DLGAP1: variants seen among roughly 807,000 people sequenced by gnomAD.
The protein encoded by DLGAP1 is disks large-associated protein 1.
In DLGAP1, 11 loss-of-function variants were observed where a neutral mutation model predicts 90.8. The observed-to-expected ratio is 0.12, with a 90% CI of 0.08 to 0.20. The LOEUF is 0.20. Ranked by LOEUF, DLGAP1 falls within the 10% of genes least tolerant of loss-of-function variation. The pLI is 1.00. For synonymous variants in DLGAP1, 558 were observed against 540.7 expected (o/e 1.03, Z -0.44); for missense variants, 1,050 against 1,333.8 (o/e 0.79, Z 3.31).
intron 3 of DLGAP1, among the ~76,000 whole-genome samples, chr18:3,916,407 C>G (rs368286478): frequency 5.3e-5 from 8 of 152,290 alleles, no homozygotes; most frequent in African/African-American, 1.7e-4. Flanking sequence ...CAGATAAGAA[C>G]AGCTTTCAAA....
At chr18:4,423,649 C>T (rs987637705) in intron 1 of DLGAP1, among the ~76,000 whole-genome samples, 13 of 151,916 alleles carry the variant, frequency 8.6e-5, no homozygotes, top group African/African-American at 1.9e-4. Context: ...TATGTCATTA[C>T]CACCTGTCAC....
Position 3,879,291 on chromosome 18 carries a change from A to G in DLGAP1, c.778T>C (p.Ser260Pro). 1 of 1,595,790 alleles carries G rather than the reference A, an allele frequency of 6.3e-7. No individual in the cohort carries two copies. Among genetic ancestry groups the G allele is most frequent in the Non-Finnish European group, 8.5e-7 (1 of 1,170,558 alleles). The change falls in exon 4 of 13, where the codon TCC (serine) becomes CCC (proline). Residue 260 changes from serine to proline, a missense_variant. Coordinates refer to ENST00000315677, the MANE Select transcript of DLGAP1 (RefSeq NM_004746.4). The surrounding 1 kb of genome is among the most constrained non-coding windows in gnomAD (Gnocchi z 6.6). ...ASRSNNDVKC[S>P]TCANLPVSLD... ...CTGACCGGCAGGTTGGCGCAGGTGG[A>G]GCACTTGACGTCGTTGTTGCTCCGG...
At chr18:3,666,772 T>G (rs1243742499) in intron 7 of DLGAP1, among the ~76,000 whole-genome samples, 1 of 152,204 alleles carries the variant, frequency 6.6e-6, no homozygotes, top group African/African-American at 2.4e-5. Context: ...TAAATTTGTT[T>G]TAGAGATAGG....
chr18:4,145,243 C>T (rs912300294), intron 2 of DLGAP1, among the ~76,000 whole-genome samples: 2 of 152,116 alleles, frequency 1.3e-5, no homozygotes, highest in Non-Finnish European at 2.9e-5. Flanking sequence ...CAAATAAACA[C>T]AGTATTCTAC....
intron 7 of DLGAP1, among the ~76,000 whole-genome samples, chr18:3,691,727 C>A (rs527987743): frequency 6.6e-6 from 1 of 152,142 alleles, no homozygotes; most frequent in East Asian, 1.9e-4. Context: ...GCCTGGGCAA[C>A]ATGGTGAAAA....
intron 3 of DLGAP1, among the ~76,000 whole-genome samples, chr18:3,957,929 T>C (rs2073114594): frequency 6.6e-6 from 1 of 151,780 alleles, no homozygotes; most frequent in Non-Finnish European, 1.5e-5. Flanking sequence ...GTTTCACTCT[T>C]GTTGCCCAGG....
At chr18:4,100,876 C>G (rs2075768605) in intron 2 of DLGAP1, among the ~76,000 whole-genome samples, 1 of 152,210 alleles carries the variant, frequency 6.6e-6, no homozygotes, top group Non-Finnish European at 1.5e-5. Context: ...TTTCTCATCT[C>G]TTTCAGCCTT....
intron 4 of DLGAP1, among the ~76,000 whole-genome samples, chr18:3,841,808 T>C (rs149174904): frequency 5.3e-5 from 8 of 152,222 alleles, no homozygotes; most frequent in South Asian, 2.1e-4. Flanking sequence ...TAGCTACTAG[T>C]GCATTCAGAG....
intron 1 of DLGAP1, among the ~76,000 whole-genome samples, chr18:4,179,255 C>T (rs1233831976): frequency 6.6e-6 from 1 of 152,024 alleles, no homozygotes; most frequent in African/African-American, 2.4e-5. Context: ...AAGTGAAAGT[C>T]ACCATTGTTC....
chr18:3,604,168 C>G (rs1205054841), intron 7 of DLGAP1: 1 of 152,416 alleles, frequency 6.6e-6, no homozygotes, highest in African/African-American at 2.4e-5. Context: ...TATGCTTAAC[C>G]CATTCCCAGC....
intron 3 of DLGAP1, among the ~76,000 whole-genome samples, chr18:3,881,826 T>A (rs1333675795): frequency 6.6e-6 from 1 of 152,132 alleles, no homozygotes; most frequent in African/African-American, 2.4e-5. Flanking sequence ...GGCAGGAGAA[T>A]GGCATAAACC....
intron 10 of DLGAP1, among the ~76,000 whole-genome samples, chr18:3,525,893 C>T (rs1167928607): frequency 6.6e-6 from 1 of 152,200 alleles, no homozygotes. Flanking sequence ...TTCGTGCCCT[C>T]CTGAGCTGGG....
chr18:3,499,384 G>T lies in DLGAP1; in HGVS notation c.2735C>A (p.Ala912Asp). The T allele has an allele frequency of 6.5e-7, 1 of 1,549,726 alleles. No homozygotes were observed. Among genetic ancestry groups the T allele is most frequent in the Non-Finnish European group, 8.7e-7 (1 of 1,146,818 alleles). The change falls in exon 13 of 13, where the codon GCC becomes GAC. Residue 912 changes from alanine (A) to aspartate (D), a missense_variant. Physicochemically the swap from Ala to Asp is moderately radical, Grantham distance 126. Around this residue, in one of 2 missense-constraint regions of DLGAP1, gnomAD observed 565 missense variants for 879.7 expected, o/e 0.64. Transcript: ENST00000315677. The surrounding 1 kb of genome is among the most constrained non-coding windows in gnomAD (Gnocchi z 6.4). ...MDPLDKKERRAPPPVPKKPAK... is the reference protein window; with the variant it reads ...MDPLDKKERRDPPPVPKKPAK... ...CGGCTTCTTTGGCACTGGAGGAGGG[G>T]CCCTTCTCTCCTGATCAAAGCAGAA...
intron 9 of DLGAP1, among the ~76,000 whole-genome samples, chr18:3,549,940 G>A (rs1228235806): frequency 6.6e-6 from 1 of 151,608 alleles, no homozygotes; most frequent in African/African-American, 2.4e-5. Context: ...TTAAGATGGA[G>A]TCTCGCTCTG....
intron 2 of DLGAP1, among the ~76,000 whole-genome samples, chr18:4,055,715 A>G (rs11663512): frequency 0.15 from 22,926 of 152,146 alleles, 2,176 homozygotes; most frequent in Non-Finnish European, 0.2. Flanking sequence ...GCGACCTGGC[A>G]CTGTTTGGTG....
intron 3 of DLGAP1, among the ~76,000 whole-genome samples, chr18:3,914,813 A>G (rs1485162374): frequency 6.6e-6 from 1 of 152,058 alleles, no homozygotes; most frequent in African/African-American, 2.4e-5. Flanking sequence ...GCAATGGTGC[A>G]GTTTTGGCTC....
At chr18:4,136,345 A>G (rs888743198) in intron 2 of DLGAP1, among the ~76,000 whole-genome samples, 1 of 152,144 alleles carries the variant, frequency 6.6e-6, no homozygotes, top group Non-Finnish European at 1.5e-5. Context: ...TGGTTGTACG[A>G]ATGTACATTC....
At chr18:4,216,650 T>G (rs2077964041) in intron 1 of DLGAP1, among the ~76,000 whole-genome samples, 1 of 152,148 alleles carries the variant, frequency 6.6e-6, no homozygotes, top group African/African-American at 2.4e-5. Context: ...ACAGAAGGCT[T>G]AGAATAGACA....
intron 7 of DLGAP1, among the ~76,000 whole-genome samples, chr18:3,625,739 A>C (rs2058270088): frequency 6.6e-6 from 1 of 152,218 alleles, no homozygotes; most frequent in Non-Finnish European, 1.5e-5. Flanking sequence ...AACAGAAAAA[A>C]AAAGGAAATC....
Sources: gnomAD v4.1 joint callset for allele counts (sites outside exome capture counted in the v4.1 genomes callset) on GRCh38, gnomAD v4.1.1 for gene constraint, gnomAD v4.1.1 regional missense constraint, Gnocchi (gnomAD v3.1) non-coding constraint, MANE v1.5 for transcripts, NCBI Gene and HGNC (gene_info 2026-07-23, HGNC 2026-07-21) for gene names.